Variants in GRAMD2A observed in about 807,000 individuals in gnomAD.
GRAMD2A encodes GRAM domain containing 2A.
A neutral mutation model predicts 51.1 loss-of-function variants in GRAMD2A; 37 were observed. The observed-to-expected ratio is 0.72, with a 90% confidence interval of 0.56 to 0.95. GRAMD2A has a LOEUF of 0.95. Ranked by LOEUF, GRAMD2A falls within the 40% of genes least tolerant of loss-of-function variation. The pLI is 0.00. For missense variants in GRAMD2A, 414 were observed against 426.9 expected (o/e 0.97, Z 0.27); for synonymous variants, 136 against 157.1 (o/e 0.87, Z 1.01).
intron 1 of GRAMD2A, among the ~76,000 whole-genome samples, chr15:72,186,879 G>A (rs1397928371): frequency 2.0e-5 from 3 of 152,018 alleles, no homozygotes; most frequent in African/African-American, 7.3e-5. Flanking sequence ...GAATGCAGTG[G>A]CTCATGTCTG....
intron 1 of GRAMD2A, among the ~76,000 whole-genome samples, chr15:72,196,190 G>C (rs939005640): frequency 6.6e-6 from 1 of 152,054 alleles, no homozygotes; most frequent in East Asian, 1.9e-4. Context: ...TCTGCAGCAT[G>C]GTCTCCAGCC....
At chr15:72,180,571 AC>A (rs1462257619) in intron 1 of GRAMD2A, among the ~76,000 whole-genome samples, 1 of 152,180 alleles carries the variant, frequency 6.6e-6, no homozygotes, top group Non-Finnish European at 1.5e-5. Context: ...ATCCATGGAT[AC>A]TGTCCAGACA....
chr15:72,192,364 C>CA (rs2081773937), intron 1 of GRAMD2A, among the ~76,000 whole-genome samples: 1 of 152,148 alleles, frequency 6.6e-6, no homozygotes, highest in Admixed American at 6.5e-5. Context: ...GAAGTACTGT[C>CA]ACTGGGTTAT....
In GRAMD2A at chr15:72,168,568, T is replaced by G. The variant is rs1189720985; in HGVS notation, c.193-2A>C. ...CTGGTTGTATTTATTCAGTGTTATC[T>G]GCAAACACACAGGCTGCGTCTGAGA... is the stretch of plus-strand genomic sequence containing the variant. On this transcript the variant is annotated splice_acceptor_variant, in intron 3 of 11. Transcript: ENST00000309731. LOFTEE classifies it high-confidence loss of function. The G allele has an allele frequency of 6.8e-6, 11 of 1,612,720 alleles. 1 individual carries two copies. In the African/African-American group the frequency reaches 8.0e-5, roughly 12 times the overall value.
chr15:72,180,280 G>C (rs1444910527), intron 1 of GRAMD2A, among the ~76,000 whole-genome samples: 1 of 152,252 alleles, frequency 6.6e-6, no homozygotes, highest in Non-Finnish European at 1.5e-5. Context: ...CCCGCTGCTG[G>C]AGCGGCATCT....
At chr15:72,193,328 T>TG (rs2081781758) in intron 1 of GRAMD2A, among the ~76,000 whole-genome samples, 1 of 150,810 alleles carries the variant, frequency 6.6e-6, no homozygotes, top group Admixed American at 6.6e-5. Context: ...GCGATTTTCC[T>TG]GCCTCAGCCT....
intron 1 of GRAMD2A, among the ~76,000 whole-genome samples, chr15:72,183,763 C>T (rs1046918844): frequency 6.6e-6 from 1 of 152,208 alleles, no homozygotes; most frequent in Non-Finnish European, 1.5e-5. Flanking sequence ...TGGAGGAGAA[C>T]GCAATGCTGA....
intron 1 of GRAMD2A, among the ~76,000 whole-genome samples, chr15:72,173,087 G>A (rs1227487357): frequency 6.6e-6 from 1 of 152,166 alleles, no homozygotes; most frequent in East Asian, 1.9e-4. Context: ...AAGGAGCTTG[G>A]ACAGTGCTTT....
intron 1 of GRAMD2A, chr15:72,176,550 T>C (rs1273064512): frequency 1.3e-5 from 2 of 152,436 alleles, no homozygotes; most frequent in Non-Finnish European, 2.9e-5. Context: ...ACCACTGTTC[T>C]CTTCCAAACA....
intron 4 of GRAMD2A, among the ~76,000 whole-genome samples, 167 bp from the exon 5 acceptor site, chr15:72,168,006 C>T (rs1302326868): frequency 6.6e-6 from 1 of 152,158 alleles, no homozygotes; most frequent in East Asian, 1.9e-4. Context: ...CATTCCCCAG[C>T]GTCGAAGGGT....
intron 5 of GRAMD2A, 131 bp from the exon 6 acceptor site, chr15:72,167,223 T>A (rs1596680273): frequency 1.5e-6 from 1 of 687,500 alleles, no homozygotes; most frequent in Non-Finnish European, 2.6e-6. Context: ...TGGGGAAGTC[T>A]CTGAACCTTC....
intron 1 of GRAMD2A, among the ~76,000 whole-genome samples, chr15:72,177,172 T>TA (rs34392305): frequency 0.22 from 31,580 of 145,058 alleles, 3,432 homozygotes; most frequent in East Asian, 0.41. Context: ...TGCAGTCCTT[T>TA]AAAAAAAAAA....
At chr15:72,189,636 A>T (rs1181359593) in intron 1 of GRAMD2A, among the ~76,000 whole-genome samples, 1 of 152,282 alleles carries the variant, frequency 6.6e-6, no homozygotes, top group African/African-American at 2.4e-5. Flanking sequence ...ATTATCACTA[A>T]GAAGTCCCAT....
intron 1 of GRAMD2A, among the ~76,000 whole-genome samples, chr15:72,179,917 C>G (rs1229080242): frequency 3.9e-5 from 6 of 152,220 alleles, no homozygotes; most frequent in African/African-American, 1.4e-4. Flanking sequence ...ACTGGGACTA[C>G]AGTCCAAGGA....
chr15:72,195,206 A>T (rs2081796037), intron 1 of GRAMD2A, among the ~76,000 whole-genome samples: 1 of 152,216 alleles, frequency 6.6e-6, no homozygotes, highest in African/African-American at 2.4e-5. Flanking sequence ...TAGGAGAATC[A>T]CTGGATGACT....
chr15:72,191,333 G>T (rs2081766367), intron 1 of GRAMD2A, among the ~76,000 whole-genome samples: 1 of 152,048 alleles, frequency 6.6e-6, no homozygotes, highest in African/African-American at 2.4e-5. Context: ...CTGAGTAGCT[G>T]GGATTACAGG....
At chr15:72,189,930 A>G (rs1476929864) in intron 1 of GRAMD2A, among the ~76,000 whole-genome samples, 4 of 152,240 alleles carry the variant, frequency 2.6e-5, no homozygotes, top group Non-Finnish European at 4.4e-5. Context: ...AGTGTTATCC[A>G]TATCAAGAAA....
At chr15:72,165,846 C>T (rs547793348) in intron 7 of GRAMD2A, among the ~76,000 whole-genome samples, 10 of 150,452 alleles carry the variant, frequency 6.6e-5, no homozygotes, top group African/African-American at 2.2e-4. Context: ...ACAGCCATTC[C>T]GGTTTTCGTT....
At chr15:72,180,498 C>G (rs1439570595) in intron 1 of GRAMD2A, among the ~76,000 whole-genome samples, 1 of 152,262 alleles carries the variant, frequency 6.6e-6, no homozygotes, top group Non-Finnish European at 1.5e-5. Flanking sequence ...CTGAGCCGCT[C>G]AGACGCCCCC....
Sources: gnomAD v4.1 joint callset for allele counts (sites outside exome capture counted in the v4.1 genomes callset) on GRCh38, gnomAD v4.1.1 for gene constraint, MANE v1.5 for transcripts, NCBI Gene and HGNC (gene_info 2026-07-23, HGNC 2026-07-21) for gene names.